The following FHIT variants were observed in gnomAD, a reference collection of about 807,000 sequenced individuals.
FHIT encodes fragile histidine triad diadenosine triphosphatase.
Under a neutral mutation model 17.9 loss-of-function variants are expected in FHIT, and 19 were observed. The observed-to-expected ratio is 1.06, with a 90% CI of 0.74 to 1.56. The LOEUF (loss-of-function observed/expected upper bound fraction) is 1.56. Among genes scored for constraint, FHIT ranks in the 40% most tolerant of loss-of-function variants. The pLI, the probability that FHIT is intolerant of heterozygous loss-of-function variation, is 0.00. For synonymous variants in FHIT, 81 were observed against 69.7 expected (o/e 1.16, Z -0.81); for missense variants, 248 against 189.2 (o/e 1.31, Z -1.82).
intron 5 of FHIT, among the ~76,000 whole-genome samples, chr3:60,187,915 G>C (rs1364530450): frequency 6.6e-5 from 10 of 152,090 alleles, no homozygotes; most frequent in African/African-American, 2.4e-4. Context: ...ACCTATTTAT[G>C]TGGGGATTTT....
intron 5 of FHIT, among the ~76,000 whole-genome samples, chr3:60,022,831 G>T (rs191949366): frequency 6.6e-6 from 1 of 152,102 alleles, no homozygotes; most frequent in Non-Finnish European, 1.5e-5. Flanking sequence ...GTTTTTTCAA[G>T]AATTCTCTCT....
chr3:60,306,225 G>A (rs1051515212), intron 5 of FHIT, among the ~76,000 whole-genome samples: 12 of 152,056 alleles, frequency 7.9e-5, no homozygotes, highest in Non-Finnish European at 1.6e-4. Context: ...ACTAGAGTAC[G>A]CAAAACTCAG....
intron 5 of FHIT, among the ~76,000 whole-genome samples, chr3:60,418,837 A>C (rs1178128077): frequency 6.6e-6 from 1 of 152,104 alleles, no homozygotes; most frequent in African/African-American, 2.4e-5. Flanking sequence ...CAAGCTGCTG[A>C]ACATTAGATA....
chr3:60,797,022 A>C (rs1232929566), intron 4 of FHIT, among the ~76,000 whole-genome samples: 1 of 152,148 alleles, frequency 6.6e-6, no homozygotes, highest in African/African-American at 2.4e-5. Context: ...TTATTATTTG[A>C]TATATTTTGA....
chr3:60,909,533 CT>C (rs1219457992), intron 3 of FHIT, among the ~76,000 whole-genome samples: 74 of 152,044 alleles, frequency 4.9e-4, no homozygotes, highest in Non-Finnish European at 8.1e-4. Flanking sequence ...GCTGTCTATA[CT>C]TTTTTTGGAT....
chr3:60,899,988 T>C (rs1165502611), intron 3 of FHIT, among the ~76,000 whole-genome samples: 1 of 152,136 alleles, frequency 6.6e-6, no homozygotes, highest in Non-Finnish European at 1.5e-5. Flanking sequence ...CCCCACTCAT[T>C]GGGCCCCAGC....
chr3:60,354,740 A>G (rs181814507), intron 5 of FHIT, among the ~76,000 whole-genome samples: 56 of 152,322 alleles, frequency 3.7e-4, no homozygotes, highest in African/African-American at 1.3e-3. Context: ...CCAATTGGTA[A>G]TATCTGATGG....
chr3:60,923,150 G>A (rs1033522097), intron 3 of FHIT, among the ~76,000 whole-genome samples: 2 of 152,116 alleles, frequency 1.3e-5, no homozygotes, highest in African/African-American at 4.8e-5. Context: ...TAAAAACTGT[G>A]CCTAATTATC....
intron 3 of FHIT, among the ~76,000 whole-genome samples, chr3:60,991,325 G>C (rs1387915462): frequency 6.6e-6 from 1 of 152,238 alleles, no homozygotes; most frequent in Non-Finnish European, 1.5e-5. Context: ...GCGGGATGAG[G>C]TCAGGGAGTG....
chr3:60,122,857 T>A, intron 5 of FHIT, among the ~76,000 whole-genome samples: 1 of 152,242 alleles, frequency 6.6e-6, no homozygotes, highest in Non-Finnish European at 1.5e-5. Context: ...TTTTAACTTT[T>A]ACTGCACAAG....
chr3:60,797,971 T>C (rs1415443353), intron 4 of FHIT, among the ~76,000 whole-genome samples: 1 of 152,194 alleles, frequency 6.6e-6, no homozygotes, highest in Non-Finnish European at 1.5e-5. Flanking sequence ...GAGGAAAATA[T>C]ATTCAAATTG....
chr3:60,576,949 T>TATACACACACACAC (rs1553657810), intron 4 of FHIT, among the ~76,000 whole-genome samples: 1 of 146,746 alleles, frequency 6.8e-6, no homozygotes, highest in Non-Finnish European at 1.5e-5. Context: ...TCCATTTGCA[T>TATACACACACACAC]ACACACACAC....
chr3:60,399,471 C>G (rs1701578638), intron 5 of FHIT, among the ~76,000 whole-genome samples: 1 of 152,114 alleles, frequency 6.6e-6, no homozygotes, highest in African/African-American at 2.4e-5. Context: ...GGACTGCAAT[C>G]TGATCTCAAG....
chr3:60,504,659 G>A (rs1183635210), intron 5 of FHIT, among the ~76,000 whole-genome samples: 2 of 152,042 alleles, frequency 1.3e-5, no homozygotes, highest in Admixed American at 6.6e-5. Context: ...AGCTCCAAAG[G>A]AGAAAGTGAT....
intron 8 of FHIT, among the ~76,000 whole-genome samples, chr3:59,785,305 A>G (rs1257387652): frequency 8.8e-6 from 1 of 113,660 alleles, no homozygotes; most frequent in African/African-American, 3.2e-5. Context: ...TAGTGATGCA[A>G]TCTTGCCTTT....
In FHIT at chr3:61,017,717, C is replaced by T. The variant is rs377385187; in HGVS notation, c.-111+24330G>A. 4.6e-5 allele frequency among the ~76,000 whole-genome samples: 7 copies of T among 152,284 alleles called. No homozygotes were observed. The South Asian group carries it at 8.3e-4, about 18-fold the overall frequency. On this transcript the variant is annotated intron_variant, in intron 3 of 9. Transcript: ENST00000492590. ...ACAAATAAATGATATGCTGAGATAA[C>T]ATTGTGAAGAATTTGGCAATGAGGA...
chr3:60,993,882 G>A (rs113173943), intron 3 of FHIT, among the ~76,000 whole-genome samples: 1 of 152,128 alleles, frequency 6.6e-6, no homozygotes, highest in East Asian at 1.9e-4. Flanking sequence ...TTGTATGTAC[G>A]GCTAATGATA....
intron 4 of FHIT, among the ~76,000 whole-genome samples, chr3:60,580,884 C>A (rs2107679378): frequency 6.6e-6 from 1 of 152,156 alleles, no homozygotes; most frequent in Middle Eastern, 3.4e-3. Flanking sequence ...GAAGTGGTAG[C>A]AATTTTGTCC....
At chr3:61,066,269 A>G (rs2034605979) in intron 2 of FHIT, among the ~76,000 whole-genome samples, 1 of 152,202 alleles carries the variant, frequency 6.6e-6, no homozygotes. Flanking sequence ...TTAAGTTTCC[A>G]AAACATAAAC....
Sources: allele counts gnomAD v4.1 joint callset (sites outside exome capture counted in the v4.1 genomes callset), GRCh38; gene constraint gnomAD v4.1.1; transcripts MANE v1.5; gene names NCBI Gene and HGNC (gene_info 2026-07-23, HGNC 2026-07-21).